Variants in PAPPA observed in about 807,000 individuals in gnomAD.
PAPPA encodes the protein pappalysin-1.
PAPPA carries 60 observed loss-of-function variants against 164.0 expected under a neutral mutation model. That is an observed-to-expected ratio of 0.37 (90% CI 0.30 to 0.45). The LOEUF (loss-of-function observed/expected upper bound fraction) is 0.45, where lower values mean the gene tolerates loss of function less well. Among genes scored for constraint, PAPPA ranks in the 20% least tolerant of loss-of-function variants. PAPPA has a pLI of 1.00. For synonymous variants in PAPPA, 875 were observed against 814.1 expected, an observed-to-expected ratio of 1.07 and a Z score of -1.27; for missense variants, 1,782 against 2,087.3, an observed-to-expected ratio of 0.85 and a Z score of 2.85.
Position 116,235,551 on chromosome 9 carries a change from G to C in PAPPA, c.2646G>C (p.Lys882Asn). The change falls in exon 7 of 22, where the codon AAG becomes AAC. Residue 882 changes from lysine to asparagine, a missense_variant. This residue lies in a region of PAPPA where 1,324 missense variants were observed against 1,656.9 expected (regional missense o/e 0.80). Transcript: ENST00000328252. ...TADTPLCLQC[K>N]PLKYKVVRDP... is the part of the protein sequence containing the mutation. Reference sequence around the variant, plus strand: ...ACACCCCACTCTGTCTACAGTGTAAGCCCCTGAAGTATAAGGTGGTCCGGG... The same window carrying C: ...ACACCCCACTCTGTCTACAGTGTAACCCCCTGAAGTATAAGGTGGTCCGGG... 1 of 1,613,688 alleles carries C rather than the reference G, an allele frequency of 6.2e-7. No homozygotes were observed. The highest frequency in any genetic ancestry group is 8.5e-7 in the Non-Finnish European group (1 of 1,179,988).
At chr9:116,158,924 C>A (rs1327095200) in intron 1 of PAPPA, among the ~76,000 whole-genome samples, 1 of 152,220 alleles carries the variant, frequency 6.6e-6, no homozygotes, top group Non-Finnish European at 1.5e-5. Flanking sequence ...TCCTCGTTTC[C>A]TCTGTCAGCA....
At chr9:116,298,562 A>G (rs2118882423) in intron 9 of PAPPA, among the ~76,000 whole-genome samples, 1 of 152,348 alleles carries the variant, frequency 6.6e-6, no homozygotes, top group East Asian at 1.9e-4. Context: ...CCTGGCTTAC[A>G]GCTCCATTTC....
At chr9:116,345,436 GAAAA>G (rs55953344) in intron 14 of PAPPA, among the ~76,000 whole-genome samples, 6 of 143,122 alleles carry the variant, frequency 4.2e-5, no homozygotes, top group Non-Finnish European at 4.5e-5. Context: ...ACATTGATGA[GAAAA>G]AAAAAAAAAA....
chr9:116,275,883 T>C (rs914063840), intron 9 of PAPPA, among the ~76,000 whole-genome samples: 2 of 152,116 alleles, frequency 1.3e-5, no homozygotes, highest in African/African-American at 2.4e-5. Context: ...TGCCAGTGTG[T>C]TATTATGCAA....
intron 8 of PAPPA, among the ~76,000 whole-genome samples, chr9:116,269,347 A>G (rs1845111556): frequency 6.6e-6 from 1 of 152,180 alleles, no homozygotes; most frequent in Admixed American, 6.5e-5. Flanking sequence ...TTGTTGTGTG[A>G]TGTGACAACT....
chr9:116,312,679 A>G (rs1845735381), intron 10 of PAPPA, among the ~76,000 whole-genome samples: 1 of 151,778 alleles, frequency 6.6e-6, no homozygotes, highest in African/African-American at 2.4e-5. Context: ...CCTCGTCTCT[A>G]CTCTCTATTC....
rs777589637 is a variant in PAPPA, at chr9:116,352,764, G to T, written c.4023G>T (p.Leu1341=). The T allele has an allele frequency of 6.2e-7, 1 of 1,613,854 alleles. No individual in the cohort carries two copies. Among genetic ancestry groups the T allele is most frequent in the Non-Finnish European group, 8.5e-7 (1 of 1,180,012 alleles). ...GGCTGTGGTCCTTCCCAGAGGCCCT[G>T]TGTGAGCTCATGTGCCTCGCTCCAC... ...EDGLWSFPEA[L]CELMCLAPPP... is the part of the protein sequence containing the mutation. The change falls in exon 16 of 22, where the codon CTG becomes CTT. Residue 1341 remains leucine (L), a synonymous_variant. Transcript: ENST00000328252.
intron 2 of PAPPA, among the ~76,000 whole-genome samples, chr9:116,206,639 C>T (rs1482774771): frequency 6.6e-6 from 1 of 152,104 alleles, no homozygotes; most frequent in Non-Finnish European, 1.5e-5. Context: ...CCCCAGGTGG[C>T]CACAAGTGTG....
chr9:116,248,366 C>T (rs1844821433), intron 7 of PAPPA, among the ~76,000 whole-genome samples: 2 of 152,180 alleles, frequency 1.3e-5, no homozygotes, highest in South Asian at 4.2e-4. Flanking sequence ...CCCAAGACCC[C>T]TGTCTATAAA....
At chr9:116,389,810 G>GT (rs59843125) in intron 21 of PAPPA, among the ~76,000 whole-genome samples, 501 of 145,072 alleles carry the variant, frequency 3.5e-3, no homozygotes, top group East Asian at 0.026. Flanking sequence ...TTTGCCTTCT[G>GT]TTTTTTTTTT....
Position 116,154,350 on chromosome 9 carries a change from C to T in PAPPA, c.178C>T (p.Pro60Ser). The change falls in exon 1 of 22, where the codon CCG becomes TCG. Residue 60 changes from proline (P) to serine (S), a missense_variant. Physicochemically the swap from Pro to Ser is moderately conservative, Grantham distance 74. This residue lies in a region of PAPPA where 458 missense variants were observed against 430.3 expected (regional missense o/e 1.06). Coordinates refer to ENST00000328252, the MANE Select transcript of PAPPA (RefSeq NM_002581.5). The surrounding 1 kb of genome is among the most constrained non-coding windows in gnomAD (Gnocchi z 5.2). ...RAARGRRASP[P>S]PPPPPGGAWE... ...GGCCCGCGGCCGCCGCGCCTCGCCG[C>T]CGCCGCCGCCGCCGCCGGGCGGTGC... 1.4e-5 allele frequency: 11 copies of T among 806,800 alleles called. No homozygotes were observed. The highest frequency in any genetic ancestry group is 1.6e-5 in the Non-Finnish European group (11 of 668,070). The allele number at this position is 806,800 out of a possible 1,614,324, so 50.0% of individuals were successfully genotyped here.
intron 10 of PAPPA, among the ~76,000 whole-genome samples, chr9:116,315,193 GC>G (rs1419137793): frequency 1.3e-5 from 2 of 152,170 alleles, no homozygotes; most frequent in Non-Finnish European, 2.9e-5. Flanking sequence ...AGCAGGCAGG[GC>G]CTTCTGAAAT....
intron 19 of PAPPA, among the ~76,000 whole-genome samples, chr9:116,368,192 G>T (rs1390247813): frequency 6.6e-6 from 1 of 152,186 alleles, no homozygotes; most frequent in Non-Finnish European, 1.5e-5. Context: ...CATAGCCTAG[G>T]TTTCTGGTAT....
intron 10 of PAPPA, among the ~76,000 whole-genome samples, chr9:116,311,590 C>T (rs1845718457): frequency 6.6e-6 from 1 of 152,136 alleles, no homozygotes. Context: ...GCCAGAAAGA[C>T]CTGACTTGGG....
chr9:116,219,149 A>G (rs1844411641), intron 4 of PAPPA, among the ~76,000 whole-genome samples: 1 of 152,040 alleles, frequency 6.6e-6, no homozygotes, highest in South Asian at 2.1e-4. Context: ...AGCCTCAACT[A>G]TCTCCTTCTT....
Position 116,271,246 on chromosome 9 carries a change from C to T in PAPPA, c.2862-79C>T. 1.1e-6 allele frequency: 1 copy of T among 925,630 alleles called. No individual in the cohort carries two copies. The highest frequency in any genetic ancestry group is 1.8e-6 in the Non-Finnish European group (1 of 557,220). 57.3% of individuals were successfully genotyped at this position (925,630 alleles called of 1,614,324 possible). A position where few individuals can be genotyped will look rare whatever the true frequency, so the allele number is the denominator to read the frequency against. ...GCAAGGTCTCACTGAAGGTTCATGG[C>T]CCAGGGAGGGACTTTTCCATGTCCA... On this transcript the variant is annotated intron_variant, in intron 8 of 21. Coordinates refer to ENST00000328252, the MANE Select transcript of PAPPA (RefSeq NM_002581.5). This position sits in a 1 kb window ranked among gnomAD's most constrained non-coding sequence, Gnocchi z 4.2.
chr9:116,263,345 G>C (rs1282594179), intron 7 of PAPPA, among the ~76,000 whole-genome samples: 1 of 152,170 alleles, frequency 6.6e-6, no homozygotes, highest in Non-Finnish European at 1.5e-5. Context: ...AGAGCAAGCT[G>C]CCAGGCACTG....
intron 10 of PAPPA, 54 bp downstream of exon 10, chr9:116,303,004 T>C (rs979292614): frequency 5.3e-6 from 8 of 1,510,086 alleles, no homozygotes; most frequent in South Asian, 1.2e-5. Context: ...GTCTCCGCTA[T>C]GCCCCACAAG....
chr9:116,164,377 A>G (rs1843698849), intron 1 of PAPPA, among the ~76,000 whole-genome samples: 1 of 152,090 alleles, frequency 6.6e-6, no homozygotes, highest in African/African-American at 2.4e-5. Context: ...GTTTTTTGGT[A>G]TTATTTGCCA....
Sources: allele counts gnomAD v4.1 joint callset (sites outside exome capture counted in the v4.1 genomes callset), GRCh38; gene constraint gnomAD v4.1.1; regional missense constraint gnomAD v4.1.1; non-coding constraint Gnocchi (gnomAD v3.1); transcripts MANE v1.5; gene names NCBI Gene and HGNC (gene_info 2026-07-23, HGNC 2026-07-21).